CMSS1: variants seen among roughly 807,000 people sequenced by gnomAD.
CMSS1 encodes the protein cms1 ribosomal small subunit homolog.
A neutral mutation model predicts 43.5 loss-of-function variants in CMSS1; 33 were observed. That is an observed-to-expected ratio of 0.76 (90% CI 0.57 to 1.01). The LOEUF (loss-of-function observed/expected upper bound fraction) is 1.01, where lower values mean the gene tolerates loss of function less well. Ranked by LOEUF, CMSS1 falls within the 50% of genes least tolerant of loss-of-function variation. CMSS1 has a pLI of 0.00. For synonymous variants in CMSS1, 115 were observed against 117.2 expected, an observed-to-expected ratio of 0.98 and a Z score of 0.12; for missense variants, 313 against 326.4, an observed-to-expected ratio of 0.96 and a Z score of 0.32.
intron 1 of CMSS1, among the ~76,000 whole-genome samples, chr3:100,117,569 G>A (rs561727512): frequency 4.6e-5 from 7 of 151,818 alleles, no homozygotes; most frequent in African/African-American, 1.7e-4. Flanking sequence ...TACTAACCAC[G>A]TATGGTTATT....
intron 1 of CMSS1, among the ~76,000 whole-genome samples, chr3:99,880,385 A>AAT (rs1010508851): frequency 3.3e-5 from 5 of 152,150 alleles, no homozygotes; most frequent in African/African-American, 7.2e-5. Flanking sequence ...GCAGTAACTG[A>AAT]ATATATATAT....
intron 1 of CMSS1, chr3:99,924,165 G>A (rs953480405): frequency 2.5e-5 from 33 of 1,331,408 alleles, no homozygotes; most frequent in Non-Finnish European, 3.3e-5. Flanking sequence ...GTATCCCTGA[G>A]ACCTGGTACA....
intron 1 of CMSS1, among the ~76,000 whole-genome samples, chr3:100,057,600 G>C (rs2065487367): frequency 6.6e-6 from 1 of 152,170 alleles, no homozygotes; most frequent in Non-Finnish European, 1.5e-5. Flanking sequence ...ATGTCCCCTT[G>C]GTTATCTGTT....
At position 99,971,154 on chromosome 3, in the gene CMSS1, G is replaced by A. The variant is rs532763719; in HGVS notation, c.64+153111G>A. On this transcript the variant is annotated intron_variant, in intron 1 of 9. Coordinates refer to ENST00000421999, the MANE Select transcript of CMSS1 (RefSeq NM_032359.4). ...AGATCGAGACCATCCTGGCTAACAT[G>A]GTGAAACCCCGTCTCTACTAAAAAT... Among the ~76,000 whole-genome samples the A allele has an allele frequency of 2.7e-3, 404 of 152,202 alleles. 4 individuals are homozygous for A. Among genetic ancestry groups the A allele is most frequent in the African/African-American group, 8.7e-3 (362 of 41,532 alleles).
intron 1 of CMSS1, among the ~76,000 whole-genome samples, chr3:100,013,423 T>C (rs1015844186): frequency 6.6e-6 from 1 of 151,810 alleles, no homozygotes; most frequent in African/African-American, 2.4e-5. Context: ...TTTATATTTT[T>C]AGTAGAGACC....
intron 6 of CMSS1, among the ~76,000 whole-genome samples, chr3:100,170,200 A>G (rs1326536331): frequency 6.6e-6 from 1 of 152,262 alleles, no homozygotes; most frequent in South Asian, 2.1e-4. Context: ...CAGAACTTGT[A>G]TAGCATGATT....
chr3:99,960,545 C>A (rs1686265541), intron 1 of CMSS1, among the ~76,000 whole-genome samples: 1 of 152,178 alleles, frequency 6.6e-6, no homozygotes, highest in South Asian at 2.1e-4. Context: ...TCCCTCCTCA[C>A]CTCCTGTAGG....
In CMSS1 at chr3:100,150,558, C is replaced by T. The variant is rs112239795; in HGVS notation, c.153+3497C>T. On this transcript the variant is annotated intron_variant, in intron 2 of 9. Transcript: ENST00000421999. ...TTTGCCATAGCTGGGCCTCACATTT[C>T]TGTCGCTGAATACATGCCTCTAGTT... Among the ~76,000 whole-genome samples the T allele has an allele frequency of 4.6e-5, 7 of 152,308 alleles. No individual in the cohort carries two copies. The East Asian group carries it at 1.3e-3, about 29-fold the overall frequency.
intron 1 of CMSS1, among the ~76,000 whole-genome samples, chr3:99,983,422 A>ATATATATATATATATG (rs1559713456): frequency 1.8e-4 from 16 of 86,926 alleles, no homozygotes; most frequent in South Asian, 4.0e-4. Context: ...ATATATATGT[A>ATATATATATATATATG]TGTATGTATG....
chr3:100,065,897 C>A (rs1015053169), intron 1 of CMSS1, among the ~76,000 whole-genome samples: 40 of 152,320 alleles, frequency 2.6e-4, no homozygotes, highest in African/African-American at 8.9e-4. Flanking sequence ...AATATGGCTC[C>A]TGGATCAACA....
intron 1 of CMSS1, among the ~76,000 whole-genome samples, chr3:100,101,368 T>C (rs2066302189): frequency 6.6e-6 from 1 of 152,114 alleles, no homozygotes; most frequent in Non-Finnish European, 1.5e-5. Context: ...GAAGAAGCTT[T>C]GATATTTGGC....
intron 1 of CMSS1, among the ~76,000 whole-genome samples, chr3:100,136,115 TAGAG>T (rs1008042693): frequency 2.1e-4 from 32 of 152,098 alleles, no homozygotes; most frequent in African/African-American, 7.5e-4. Flanking sequence ...AAACTTCTGA[TAGAG>T]AGAATCAAAT....
At chr3:99,907,331 TCCACCTCCC>T (rs1706650961) in intron 1 of CMSS1, among the ~76,000 whole-genome samples, 1 of 152,104 alleles carries the variant, frequency 6.6e-6, no homozygotes, top group Non-Finnish European at 1.5e-5. Context: ...CACTGCAAGC[TCCACCTCCC>T]GGGTTCATGC....
intron 1 of CMSS1, among the ~76,000 whole-genome samples, chr3:100,050,348 A>G (rs1283469870): frequency 6.6e-6 from 1 of 152,188 alleles, no homozygotes; most frequent in Non-Finnish European, 1.5e-5. Context: ...AGAAAGCCAT[A>G]TCTTTTTTAG....
chr3:99,961,606 T>C (rs1454317131), intron 1 of CMSS1, among the ~76,000 whole-genome samples: 2 of 152,150 alleles, frequency 1.3e-5, no homozygotes, highest in African/African-American at 4.8e-5. Context: ...CCATATTATT[T>C]TGGGGAGCTG....
intron 1 of CMSS1, among the ~76,000 whole-genome samples, chr3:100,131,459 A>G (rs2107499714): frequency 6.6e-6 from 1 of 152,348 alleles, no homozygotes; most frequent in South Asian, 2.1e-4. Context: ...AAGAGGAACT[A>G]ACTTGCCCAA....
At chr3:99,901,826 A>G (rs768620194) in intron 1 of CMSS1, among the ~76,000 whole-genome samples, 45 of 152,154 alleles carry the variant, frequency 3.0e-4, no homozygotes, top group Non-Finnish European at 5.3e-4. Context: ...ACACACACAC[A>G]TACACACACA....
chr3:100,119,003 G>A (rs1164669787), intron 1 of CMSS1, among the ~76,000 whole-genome samples: 3 of 151,702 alleles, frequency 2.0e-5, no homozygotes, highest in African/African-American at 7.3e-5. Context: ...GTTTTTTGTT[G>A]ACTCTCTGAG....
chr3:100,058,561 C>G (rs2107337515), intron 1 of CMSS1, among the ~76,000 whole-genome samples: 1 of 152,322 alleles, frequency 6.6e-6, no homozygotes, highest in East Asian at 1.9e-4. Context: ...TTTGCTCCTC[C>G]AACTTTCATT....
Sources: gnomAD v4.1 joint callset for allele counts (sites outside exome capture counted in the v4.1 genomes callset) on GRCh38, gnomAD v4.1.1 for gene constraint, MANE v1.5 for transcripts, NCBI Gene and HGNC (gene_info 2026-07-23, HGNC 2026-07-21) for gene names.